The following TENM3 variants were observed in gnomAD, a reference collection of about 807,000 sequenced individuals.
The protein encoded by TENM3 is teneurin transmembrane protein 3, also known as teneurin-3.
Under a neutral mutation model 255.1 loss-of-function variants are expected in TENM3, and 63 were observed. That is an observed-to-expected ratio of 0.25 (90% CI 0.20 to 0.30). TENM3 has a LOEUF of 0.30. Ranked by LOEUF, TENM3 falls within the 10% of genes least tolerant of loss-of-function variation. The pLI, the probability that TENM3 is intolerant of heterozygous loss-of-function variation, is 1.00. For synonymous variants in TENM3, 1,306 were observed against 1,322.3 expected, an observed-to-expected ratio of 0.99 and a Z score of 0.27; for missense variants, 2,929 against 3,461.1, an observed-to-expected ratio of 0.85 and a Z score of 3.86.
chr4:181,882,603 C>T, the TENM3 span, among the ~76,000 whole-genome samples: 1 of 152,182 alleles, frequency 6.6e-6, no homozygotes, highest in African/African-American at 2.4e-5. Context: ...GTTAGTTAGA[C>T]TTCAGACACC....
upstream of TENM3, among the ~76,000 whole-genome samples, chr4:182,242,645 C>T (rs1757357040): frequency 6.6e-6 from 1 of 152,148 alleles, no homozygotes; most frequent in African/African-American, 2.4e-5. Flanking sequence ...CCTGTGGTTC[C>T]AGCTACCTGG....
intron 3 of TENM3, among the ~76,000 whole-genome samples, chr4:182,569,120 G>A (rs1236900908): frequency 6.6e-6 from 1 of 152,194 alleles, no homozygotes; most frequent in African/African-American, 2.4e-5. Context: ...GAACTCTTGA[G>A]ATCGGTGTAC....
the TENM3 span, among the ~76,000 whole-genome samples, chr4:181,968,748 A>G: frequency 6.6e-6 from 1 of 152,330 alleles, no homozygotes; most frequent in Admixed American, 6.5e-5. Flanking sequence ...GATCTTTCGT[A>G]CAACATTGTG....
At chr4:182,471,451 G>A (rs1340580073) in intron 3 of TENM3, among the ~76,000 whole-genome samples, 1 of 152,144 alleles carries the variant, frequency 6.6e-6, no homozygotes, top group African/African-American at 2.4e-5. Flanking sequence ...TTACTCCTAG[G>A]CTGCAAACCT....
chr4:181,921,286 T>A, the TENM3 span, among the ~76,000 whole-genome samples: 4 of 152,318 alleles, frequency 2.6e-5, no homozygotes, highest in Non-Finnish European at 4.4e-5. Context: ...CATTGGTAGC[T>A]TGATGGGGAT....
the TENM3 span, among the ~76,000 whole-genome samples, chr4:181,511,983 C>T: frequency 6.6e-6 from 1 of 152,126 alleles, no homozygotes; most frequent in South Asian, 2.1e-4. Context: ...CTCAAAAACC[C>T]TTCAGGGGAC....
intron 1 of TENM3, among the ~76,000 whole-genome samples, chr4:182,299,245 G>A (rs1761704560): frequency 6.6e-6 from 1 of 151,862 alleles, no homozygotes; most frequent in African/African-American, 2.4e-5. Context: ...TCAAGCAGGG[G>A]CATGCGTACA....
At chr4:181,957,091 T>C in the TENM3 span, among the ~76,000 whole-genome samples, 1 of 152,228 alleles carries the variant, frequency 6.6e-6, no homozygotes, top group East Asian at 1.9e-4. Context: ...ATCTCCTGTG[T>C]CATCTGACAC....
At chr4:181,715,476 A>G in the TENM3 span, among the ~76,000 whole-genome samples, 47 of 152,224 alleles carry the variant, frequency 3.1e-4, no homozygotes, top group Non-Finnish European at 6.8e-4. Context: ...GGTGATTCAA[A>G]ATAGTTTATA....
At position 182,502,091 on chromosome 4, in the gene TENM3, C is replaced by G. The variant is rs114513000; in HGVS notation, c.512-98833C>G. Reference sequence around the variant, plus strand: ...AACTCACTTGTCTGAAAATCATTTGCTCTCAGAATTGTGAAGGCACTGCTC... The same window carrying G: ...AACTCACTTGTCTGAAAATCATTTGGTCTCAGAATTGTGAAGGCACTGCTC... On this transcript the variant is annotated intron_variant, in intron 3 of 27. Transcript: ENST00000511685. Among the ~76,000 whole-genome samples, 718 of 152,312 alleles carry G rather than the reference C, an allele frequency of 4.7e-3. 6 individuals carry two copies. Among genetic ancestry groups the G allele is most frequent in the African/African-American group, 0.017 (692 of 41,566 alleles).
chr4:181,629,758 T>C, the TENM3 span, among the ~76,000 whole-genome samples: 1 of 152,226 alleles, frequency 6.6e-6, no homozygotes, highest in Admixed American at 6.5e-5. Context: ...TTGAGGATTT[T>C]TGCATCGATG....
intron 3 of TENM3, among the ~76,000 whole-genome samples, chr4:182,524,996 C>T (rs1183944612): frequency 6.6e-6 from 1 of 152,140 alleles, no homozygotes; most frequent in Non-Finnish European, 1.5e-5. Flanking sequence ...CACCACTGCA[C>T]TCCAGCCTTG....
chr4:182,784,839 T>C (rs1334026878), intron 24 of TENM3, among the ~76,000 whole-genome samples: 3 of 152,102 alleles, frequency 2.0e-5, no homozygotes, highest in African/African-American at 7.2e-5. Context: ...CGTCACCCCT[T>C]TCTTTGACTG....
At chr4:182,164,951 G>T (rs11945264) in intron 1 of TENM3, among the ~76,000 whole-genome samples, 3,105 of 152,186 alleles carry the variant, frequency 0.02, 46 homozygotes, top group South Asian at 0.041. Flanking sequence ...TCTACTCTTT[G>T]TGTCTTCAGT....
chr4:182,415,984 A>G (rs1389655339), intron 3 of TENM3, among the ~76,000 whole-genome samples: 1 of 152,178 alleles, frequency 6.6e-6, no homozygotes, highest in East Asian at 1.9e-4. Context: ...CATATGTTAA[A>G]TTAATTAAAA....
At chr4:181,520,622 C>G in the TENM3 span, among the ~76,000 whole-genome samples, 62 of 151,758 alleles carry the variant, frequency 4.1e-4, no homozygotes, top group Non-Finnish European at 8.4e-4. Context: ...AAGAAAGGAG[C>G]AAAGGTTTTC....
chr4:182,795,163 T>G (rs1055292160), intron 26 of TENM3, among the ~76,000 whole-genome samples: 18 of 152,176 alleles, frequency 1.2e-4, no homozygotes, highest in African/African-American at 4.3e-4. Flanking sequence ...ATCTCTTCCA[T>G]GTGAACCAGC....
At chr4:181,672,146 G>C in the TENM3 span, among the ~76,000 whole-genome samples, 3 of 152,080 alleles carry the variant, frequency 2.0e-5, no homozygotes, top group African/African-American at 7.2e-5. Context: ...AGTCTGTCCA[G>C]ATGACTCTGT....
At chr4:182,729,331 G>T in intron 14 of TENM3, 150 bp downstream of exon 14, 1 of 695,898 alleles carries the variant, frequency 1.4e-6, no homozygotes. Context: ...ACCAAACTTT[G>T]TATTTCAAGC....
Sources: allele counts gnomAD v4.1 joint callset (sites outside exome capture counted in the v4.1 genomes callset), GRCh38; gene constraint gnomAD v4.1.1; transcripts MANE v1.5; gene names NCBI Gene and HGNC (gene_info 2026-07-23, HGNC 2026-07-21).